RAD54L: variants seen among roughly 807,000 people sequenced by gnomAD.
The protein encoded by RAD54L is RAD54 like.
A neutral mutation model predicts 91.6 loss-of-function variants in RAD54L; 74 were observed. That is an observed-to-expected ratio of 0.81 (90% confidence interval 0.67 to 0.98). The LOEUF (loss-of-function observed/expected upper bound fraction) is 0.98, where lower values mean the gene tolerates loss of function less well. RAD54L is among the 50% of genes least tolerant of loss of function. The probability of loss-of-function intolerance (pLI) is 0.00; values close to 1 mark genes in which losing one functional copy is unlikely to be tolerated. For missense variants in RAD54L, 887 were observed against 945.7 expected, an observed-to-expected ratio of 0.94 and a Z score of 0.81; for synonymous variants, 304 against 349.7, an observed-to-expected ratio of 0.87 and a Z score of 1.46.
chr1:46,276,304 T>A (rs1383888059), intron 16 of RAD54L, among the ~76,000 whole-genome samples: 1 of 152,156 alleles, frequency 6.6e-6, no homozygotes, highest in Non-Finnish European at 1.5e-5. Flanking sequence ...GGGCTACAGG[T>A]GTGTGCCACC....
At position 46,273,605 on chromosome 1, in the gene RAD54L, T is replaced by G; in HGVS notation, c.1487-19T>G. 6.2e-7 allele frequency: 1 copy of G among 1,613,080 alleles called. No individual in the cohort carries two copies. The highest frequency in any genetic ancestry group is 8.5e-7 in the Non-Finnish European group (1 of 1,180,014). On this transcript the variant is annotated intron_variant, in intron 13 of 17. Coordinates refer to ENST00000371975, the MANE Select transcript of RAD54L (RefSeq NM_003579.4). ...ATTGGGACAGCCAGTAGGGGACTGC[T>G]GGTTGCTGCTCTTCCCAGGTAAGAT...
At chr1:46,276,323 A>G (rs1330766134) in intron 16 of RAD54L, among the ~76,000 whole-genome samples, 2 of 151,988 alleles carry the variant, frequency 1.3e-5, no homozygotes, top group Non-Finnish European at 2.9e-5. Flanking sequence ...CCACACCCGG[A>G]TAACTTTTTT....
In RAD54L at chr1:46,265,522, C is replaced by G. The variant is rs550589853; in HGVS notation, c.892-1937C>G. 6.6e-6 allele frequency among the ~76,000 whole-genome samples: 1 copy of G among 152,288 alleles called. No homozygotes were observed. The highest frequency in any genetic ancestry group is 1.9e-4 in the East Asian group (1 of 5,162). ...CTCCTGACCTCAGGTGATCCACTTG[C>G]CTTAACCTCCCAAAGTGCTAGGATT... On this transcript the variant is annotated intron_variant, in intron 8 of 17. Coordinates refer to ENST00000371975, the MANE Select transcript of RAD54L (RefSeq NM_003579.4). This position sits in a 1 kb window ranked among gnomAD's most constrained non-coding sequence, Gnocchi z 4.8.
chr1:46,248,779 G>C (rs949856733), intron 2 of RAD54L, among the ~76,000 whole-genome samples, 181 bp downstream of exon 2: 1 of 152,186 alleles, frequency 6.6e-6, no homozygotes, highest in African/African-American at 2.4e-5. Context: ...TTTATCCTCA[G>C]GGTAGTCACT....
intron 2 of RAD54L, among the ~76,000 whole-genome samples, 158 bp downstream of exon 2, chr1:46,248,756 G>T (rs1489854120): frequency 6.6e-6 from 1 of 152,194 alleles, no homozygotes; most frequent in East Asian, 1.9e-4. Context: ...CATTGAACAA[G>T]ATTAGTAAAA....
intron 3 of RAD54L, among the ~76,000 whole-genome samples, chr1:46,258,440 C>CTAT: frequency 6.6e-6 from 1 of 152,140 alleles, no homozygotes; most frequent in East Asian, 1.9e-4. Flanking sequence ...TTCCAAGGTG[C>CTAT]TATACCCTAG....
At chr1:46,275,331 G>T (rs997467499) in intron 16 of RAD54L, among the ~76,000 whole-genome samples, 4 of 152,184 alleles carry the variant, frequency 2.6e-5, no homozygotes, top group Non-Finnish European at 4.4e-5. Context: ...CGTGGAACTT[G>T]TTAGAACCCA....
At position 46,255,656 on chromosome 1, in the gene RAD54L, A is replaced by G. The variant is rs10218570; in HGVS notation, c.211-3030A>G. On this transcript the variant is annotated intron_variant, in intron 3 of 17. Coordinates refer to ENST00000371975, the MANE Select transcript of RAD54L (RefSeq NM_003579.4). The stretch of plus-strand genomic sequence containing the variant: ...TGGAATTATAGGTGCCCGCCCCCAC[A>G]CCCAGCTCAGTTTTTTGTACTTTTA... 7.2e-3 allele frequency among the ~76,000 whole-genome samples: 1,086 copies of G among 151,740 alleles called. 17 individuals are homozygous for G. Among genetic ancestry groups the G allele is most frequent in the Middle Eastern group, 0.034 (10 of 294 alleles).
rs148535053 is a variant in RAD54L, at chr1:46,250,510, G to A, written c.210+391G>A. ...GTGCATTGCCTCATGTAATTCTCAC[G>A]TTTTAAGATGAGAAAACAGTCTCAG... On this transcript the variant is annotated intron_variant, in intron 3 of 17. Transcript: ENST00000371975. Among the ~76,000 whole-genome samples, 180 of 152,220 alleles carry A rather than the reference G, an allele frequency of 1.2e-3. 1 individual carries two copies. The highest frequency in any genetic ancestry group is 6.8e-3 in the Middle Eastern group (2 of 294).
intron 9 of RAD54L, among the ~76,000 whole-genome samples, chr1:46,269,992 C>T (rs1459167719): frequency 6.6e-6 from 1 of 151,812 alleles, no homozygotes; most frequent in Admixed American, 6.6e-5. Context: ...GTAGTCCCAG[C>T]TACTTGGGAG....
At chr1:46,274,029 T>G (rs918869853) in intron 14 of RAD54L, 109 bp from the exon 15 acceptor site, 15 of 1,157,634 alleles carry the variant, frequency 1.3e-5, no homozygotes, top group South Asian at 5.4e-5. Context: ...TCAGTGGCTC[T>G]CCAAGGGACT....
chr1:46,270,242 G>T (rs1660383816), intron 9 of RAD54L, among the ~76,000 whole-genome samples: 1 of 151,992 alleles, frequency 6.6e-6, no homozygotes, highest in Non-Finnish European at 1.5e-5. Context: ...GAGAAGGGGT[G>T]CCTGTAATCC....
intron 4 of RAD54L, among the ~76,000 whole-genome samples, 172 bp from the exon 5 acceptor site, chr1:46,259,792 T>C (rs1184667551): frequency 2.0e-5 from 3 of 147,812 alleles, no homozygotes; most frequent in African/African-American, 7.4e-5. Flanking sequence ...AAAAAAAAGC[T>C]GAATGGGATA....
At chr1:46,274,377 CTGTG>C (rs1485118099) in intron 15 of RAD54L, among the ~76,000 whole-genome samples, 157 bp from the exon 16 acceptor site, 2 of 151,680 alleles carry the variant, frequency 1.3e-5, no homozygotes, top group Non-Finnish European at 2.9e-5. Flanking sequence ...TGGAAACTGA[CTGTG>C]TGTGTTGGGA....
chr1:46,250,596 C>T (rs911189984), intron 3 of RAD54L, among the ~76,000 whole-genome samples: 1 of 152,136 alleles, frequency 6.6e-6, no homozygotes, highest in African/African-American at 2.4e-5. Context: ...AAAGCTTTTC[C>T]ACTAAGCTTT....
chr1:46,250,411 A>G (rs1373540221), intron 3 of RAD54L, among the ~76,000 whole-genome samples: 1 of 152,210 alleles, frequency 6.6e-6, no homozygotes, highest in Non-Finnish European at 1.5e-5. Context: ...GACTCTGTAT[A>G]TGACTTTAAG....
chr1:46,258,023 T>C (rs1289381807), intron 3 of RAD54L, among the ~76,000 whole-genome samples: 1 of 152,026 alleles, frequency 6.6e-6, no homozygotes, highest in African/African-American at 2.4e-5. Context: ...TAGCCATCAT[T>C]ATTTTTATTT....
chr1:46,261,252 C>A lies in RAD54L; in HGVS notation c.767-9C>A. On this transcript the variant is annotated splice_polypyrimidine_tract_variant and intron_variant, in intron 7 of 17. Transcript: ENST00000371975. The stretch of plus-strand genomic sequence containing the variant: ...CTGAATTGTTCCCTTTACACCTTTT[C>A]TGTTGTAGAAGGATTCATGAACCAG... 6.4e-7 allele frequency: 1 copy of A among 1,567,856 alleles called. No individual in the cohort carries two copies. Among genetic ancestry groups the A allele is most frequent in the Non-Finnish European group, 8.7e-7 (1 of 1,155,330 alleles).
At chr1:46,266,942 C>T (rs1660282222) in intron 8 of RAD54L, among the ~76,000 whole-genome samples, 1 of 152,202 alleles carries the variant, frequency 6.6e-6, no homozygotes, top group East Asian at 1.9e-4. Context: ...TCTTTTGAGC[C>T]TAATATTCTC....
Sources: allele counts gnomAD v4.1 joint callset (sites outside exome capture counted in the v4.1 genomes callset), GRCh38; gene constraint gnomAD v4.1.1; non-coding constraint Gnocchi (gnomAD v3.1); transcripts MANE v1.5; gene names NCBI Gene and HGNC (gene_info 2026-07-23, HGNC 2026-07-21).